AP2S1: variants seen among roughly 807,000 people sequenced by gnomAD.
The protein encoded by AP2S1 is adaptor related protein complex 2 subunit sigma 1.
In AP2S1, 6 loss-of-function variants were observed where a neutral mutation model predicts 21.0. The observed-to-expected ratio is 0.29, with a 90% confidence interval of 0.16 to 0.56. AP2S1 has a LOEUF of 0.56. Among genes scored for constraint, AP2S1 ranks in the 20% least tolerant of loss-of-function variants. AP2S1 has a pLI of 0.92. For missense variants in AP2S1, 60 were observed against 186.2 expected (o/e 0.32, Z 3.95); for synonymous variants, 63 against 74.6 (o/e 0.84, Z 0.80).
At chr19:46,850,179 T>C in intron 1 of AP2S1, 1 of 1,232,532 alleles carries the variant, frequency 8.1e-7, no homozygotes, top group Non-Finnish European at 1.0e-6. Context: ...GACCCTTAAG[T>C]TTCATTCCCT....
chr19:46,844,656 G>A (rs2055588149), intron 2 of AP2S1, among the ~76,000 whole-genome samples: 1 of 151,920 alleles, frequency 6.6e-6, no homozygotes, highest in Non-Finnish European at 1.5e-5. Context: ...ATATTAGCTG[G>A]GCTTGGTAGT....
At chr19:46,850,432 A>T in intron 1 of AP2S1, 1 of 863,518 alleles carries the variant, frequency 1.2e-6, no homozygotes, top group Non-Finnish European at 1.6e-6. Flanking sequence ...CCCACCTCCA[A>T]TGCCTTCTCG....
intron 2 of AP2S1, among the ~76,000 whole-genome samples, chr19:46,844,804 A>C (rs1000457400): frequency 1.3e-5 from 2 of 149,624 alleles, no homozygotes; most frequent in African/African-American, 4.9e-5. Flanking sequence ...TGTTTCAAAA[A>C]AAATTTTTTA....
intron 2 of AP2S1, among the ~76,000 whole-genome samples, chr19:46,841,732 G>C (rs1414145653): frequency 6.6e-6 from 1 of 152,242 alleles, no homozygotes; most frequent in Non-Finnish European, 1.5e-5. Context: ...CACACCCTGT[G>C]AATATGGGAC....
intron 1 of AP2S1, among the ~76,000 whole-genome samples, chr19:46,848,806 AGGTTCAAGC>A (rs1011440042): frequency 1.2e-4 from 19 of 152,146 alleles, no homozygotes; most frequent in Admixed American, 1.1e-3. Context: ...CTCTACCTCC[AGGTTCAAGC>A]GATTCTCCTG....
intron 3 of AP2S1, among the ~76,000 whole-genome samples, 153 bp downstream of exon 3, chr19:46,839,312 A>AG (rs1293221480): frequency 2.1e-4 from 30 of 144,122 alleles, no homozygotes; most frequent in Non-Finnish European, 4.0e-4. Context: ...AAAAAAAAAA[A>AG]AAAAAGAAAA....
intron 2 of AP2S1, among the ~76,000 whole-genome samples, chr19:46,844,505 A>G (rs904793673): frequency 6.6e-6 from 1 of 151,732 alleles, no homozygotes; most frequent in African/African-American, 2.4e-5. Context: ...AACCATTTAA[A>G]CCTGCATCCT....
intron 3 of AP2S1, 31 bp downstream of exon 3, chr19:46,839,434 C>CCCCCCCCCAAAAA: frequency 1.3e-6 from 2 of 1,508,196 alleles, no homozygotes; most frequent in South Asian, 1.1e-5. Context: ...GCCCACCCGC[C>CCCCCCCCCAAAAA]TCCCCACCTT....
At chr19:46,839,875 G>A (rs1247729379) in intron 2 of AP2S1, among the ~76,000 whole-genome samples, 2 of 152,142 alleles carry the variant, frequency 1.3e-5, no homozygotes, top group African/African-American at 4.8e-5. Context: ...TATCGGAGCT[G>A]AGAGCTGGAG....
intron 2 of AP2S1, among the ~76,000 whole-genome samples, chr19:46,844,057 C>T (rs976652217): frequency 3.9e-5 from 6 of 152,132 alleles, no homozygotes; most frequent in Admixed American, 3.3e-4. Flanking sequence ...ACTACAGGCA[C>T]CCACGACCAG....
At chr19:46,840,304 T>C (rs1033890483) in intron 2 of AP2S1, among the ~76,000 whole-genome samples, 2 of 150,122 alleles carry the variant, frequency 1.3e-5, no homozygotes, top group Non-Finnish European at 2.9e-5. Flanking sequence ...CAAAGTACAA[T>C]GTCTTTGGCC....
At chr19:46,846,800 G>A (rs1447787915) in intron 1 of AP2S1, among the ~76,000 whole-genome samples, 1 of 152,020 alleles carries the variant, frequency 6.6e-6, no homozygotes, top group Admixed American at 6.6e-5. Flanking sequence ...TGAGTAGCTG[G>A]GACTACAGGC....
In AP2S1 at chr19:46,838,663, C is replaced by T. The variant is rs1047436145; in HGVS notation, c.327+77G>A. 95 of 1,572,892 alleles carry T rather than the reference C, an allele frequency of 6.0e-5. No individual in the cohort carries two copies. Among genetic ancestry groups the T allele is most frequent in the South Asian group, 3.8e-4 (34 of 89,770 alleles). ...GGGACACAGACCTCAGCAGAGGCTC[C>T]GGGTGGCTAGTGCACCACGGGTCCC... On this transcript the variant is annotated intron_variant, in intron 4 of 4. Transcript: ENST00000263270. The surrounding 1 kb of genome is among the most constrained non-coding windows in gnomAD (Gnocchi z 4.1).
chr19:46,850,510 C>T, intron 1 of AP2S1: 1 of 594,068 alleles, frequency 1.7e-6, no homozygotes, highest in Non-Finnish European at 2.8e-6. Context: ...ACAACGTTTC[C>T]CACCTGCACA....
intron 1 of AP2S1, among the ~76,000 whole-genome samples, chr19:46,847,204 G>A (rs1311403683): frequency 6.6e-6 from 1 of 150,602 alleles, no homozygotes; most frequent in Non-Finnish European, 1.5e-5. Flanking sequence ...TATTCACTTA[G>A]TATATATTCA....
chr19:46,844,974 C>G (rs1442126395), intron 2 of AP2S1, among the ~76,000 whole-genome samples: 1 of 151,542 alleles, frequency 6.6e-6, no homozygotes, highest in Non-Finnish European at 1.5e-5. Flanking sequence ...TGGTGGCGAG[C>G]ACCTGTAATC....
chr19:46,846,203 G>A lies in AP2S1; in HGVS notation c.4-61C>T, dbSNP rs1411769268. On this transcript the variant is annotated intron_variant, in intron 1 of 4. Transcript: ENST00000263270. ...AGGCAGAGAGGGCGGGTTGGGTGCT[G>A]CCCAACGGCCCCACCCATCCACCCA... 6.3e-6 allele frequency: 10 copies of A among 1,588,654 alleles called. No individual in the cohort carries two copies. In the Admixed American group the frequency reaches 1.7e-4, roughly 27 times the overall value.
chr19:46,841,693 G>T (rs940652118), intron 2 of AP2S1, among the ~76,000 whole-genome samples: 2 of 152,226 alleles, frequency 1.3e-5, no homozygotes, highest in African/African-American at 4.8e-5. Flanking sequence ...CACAGGTAAT[G>T]GCCCCCAAAG....
rs780903084 is a variant in AP2S1 at position 46,838,537 on chromosome 19, G to C, written c.339C>G (p.Val113=). The change falls in exon 5 of 5, where the codon GTC becomes GTG. Residue 113 remains valine (V), a synonymous_variant. Coordinates refer to ENST00000263270, the MANE Select transcript of AP2S1 (RefSeq NM_004069.6). The surrounding 1 kb of genome is among the most constrained non-coding windows in gnomAD (Gnocchi z 4.1). The part of the protein sequence containing the change: ...LVFNFYKVYT[V]VDEMFLAGEI... ...CGCCAGCCAGGAACATCTCGTCCAC[G>C]ACCGTGTAAACCTGTGTGAGGGGAG... 2 of 1,614,168 alleles carry C rather than the reference G, an allele frequency of 1.2e-6. No homozygotes were observed. Among genetic ancestry groups the C allele is most frequent in the Non-Finnish European group, 1.7e-6 (2 of 1,180,032 alleles).
Sources: gnomAD v4.1 joint callset for allele counts (sites outside exome capture counted in the v4.1 genomes callset) on GRCh38, gnomAD v4.1.1 for gene constraint, Gnocchi (gnomAD v3.1) non-coding constraint, MANE v1.5 for transcripts, NCBI Gene and HGNC (gene_info 2026-07-23, HGNC 2026-07-21) for gene names.